The following PTPRD variants were observed in gnomAD, a reference collection of about 807,000 sequenced individuals.
PTPRD encodes protein tyrosine phosphatase receptor type D.
PTPRD carries 34 observed loss-of-function variants against 214.5 expected under a neutral mutation model. The observed-to-expected ratio is 0.16, with a 90% CI of 0.12 to 0.21. The LOEUF (loss-of-function observed/expected upper bound fraction) is 0.21. PTPRD is among the 10% of genes least tolerant of loss of function. The pLI is 1.00. For missense variants in PTPRD, 2,545 were observed against 2,398.7 expected (o/e 1.06, Z -1.27); for synonymous variants, 1,128 against 845.7 (o/e 1.33, Z -5.79).
Position 8,735,042 on chromosome 9 carries a change from CCTT to C in PTPRD, c.-103-1099_-103-1097del, listed in dbSNP as rs368286827. ...CAGCATGCACGGGGCCCCCTGGAAG[CCTT>C]CTTAGAACAGATGCGTGAGTACTAC... is the stretch of plus-strand genomic sequence containing the variant. On this transcript the variant is annotated intron_variant, in intron 11 of 45. Transcript: ENST00000381196. Among the ~76,000 whole-genome samples the C allele has an allele frequency of 2.8e-3, 433 of 152,068 alleles. 3 individuals carry two copies. The highest frequency in any genetic ancestry group is 9.9e-3 in the African/African-American group (410 of 41,496).
intron 12 of PTPRD, among the ~76,000 whole-genome samples, chr9:8,673,290 T>C (rs1372380560): frequency 6.6e-6 from 1 of 152,208 alleles, no homozygotes; most frequent in Non-Finnish European, 1.5e-5. Flanking sequence ...AAGCAAGTTA[T>C]GACCTCTTTC....
chr9:9,520,014 G>A (rs1004738379), intron 8 of PTPRD, among the ~76,000 whole-genome samples: 3 of 151,876 alleles, frequency 2.0e-5, no homozygotes, highest in African/African-American at 7.3e-5. Context: ...TATGTATGTA[G>A]ACTTTCTTTA....
At chr9:9,225,897 T>C (rs924621861) in intron 9 of PTPRD, among the ~76,000 whole-genome samples, 7 of 152,034 alleles carry the variant, frequency 4.6e-5, no homozygotes, top group Non-Finnish European at 8.8e-5. Context: ...ACTTGCCATG[T>C]TAAAGAGTAT....
chr9:10,518,773 C>G (rs2051059733), intron 2 of PTPRD, among the ~76,000 whole-genome samples: 1 of 151,898 alleles, frequency 6.6e-6, no homozygotes, highest in South Asian at 2.1e-4. Flanking sequence ...ACCTCGTGAT[C>G]TGCCCGCCTT....
Position 9,170,498 on chromosome 9 carries a change from G to A in PTPRD, c.-143+12806C>T, listed in dbSNP as rs532058782. 5.3e-5 allele frequency among the ~76,000 whole-genome samples: 8 copies of A among 152,212 alleles called. No individual in the cohort carries two copies. The South Asian group carries it at 6.2e-4, about 12-fold the overall frequency. Reference sequence around the variant, plus strand: ...TCAGTCAGTTGAGTCTAATAGCTGCGAGTGTTACTACCTTGGTCAGTTCCA... The same window carrying A: ...TCAGTCAGTTGAGTCTAATAGCTGCAAGTGTTACTACCTTGGTCAGTTCCA... On this transcript the variant is annotated intron_variant, in intron 10 of 45. Transcript: ENST00000381196.
At chr9:8,477,937 T>C (rs113716460) in intron 30 of PTPRD, among the ~76,000 whole-genome samples, 11 of 152,240 alleles carry the variant, frequency 7.2e-5, no homozygotes, top group African/African-American at 2.7e-4. Flanking sequence ...TATTGCCAGC[T>C]GGGGCAAGTC....
At chr9:9,485,227 T>G (rs371325924) in intron 8 of PTPRD, among the ~76,000 whole-genome samples, 13 of 152,178 alleles carry the variant, frequency 8.5e-5, no homozygotes, top group African/African-American at 3.1e-4. Flanking sequence ...AATTGAAGCA[T>G]AATCCACTAA....
intron 5 of PTPRD, among the ~76,000 whole-genome samples, chr9:9,914,025 G>A (rs531988159): frequency 1.3e-5 from 2 of 152,258 alleles, no homozygotes; most frequent in East Asian, 3.9e-4. Context: ...TGTGATTCTG[G>A]TCCTGTACAG....
chr9:9,651,830 T>TG (rs1227477338), intron 7 of PTPRD, among the ~76,000 whole-genome samples: 1 of 124,870 alleles, frequency 8.0e-6, no homozygotes, highest in Non-Finnish European at 1.7e-5. Flanking sequence ...AGGTTTGTTT[T>TG]TTTTTTTTTT....
chr9:8,958,977 G>T (rs940794124), intron 11 of PTPRD: 3 of 149,374 alleles, frequency 2.0e-5, no homozygotes, highest in African/African-American at 7.3e-5. Flanking sequence ...ATCACATTCA[G>T]CCCAATGTAC....
At chr9:8,892,615 A>G (rs1587518404) in intron 11 of PTPRD, among the ~76,000 whole-genome samples, 1 of 146,956 alleles carries the variant, frequency 6.8e-6, no homozygotes, top group Non-Finnish European at 1.5e-5. Flanking sequence ...GTGTGTATAT[A>G]TATGTGTATA....
At chr9:10,385,527 G>A (rs1211283234) in intron 2 of PTPRD, among the ~76,000 whole-genome samples, 1 of 151,680 alleles carries the variant, frequency 6.6e-6, no homozygotes, top group African/African-American at 2.4e-5. Context: ...AAGAATATAA[G>A]CTCCAAGTGT....
intron 11 of PTPRD, among the ~76,000 whole-genome samples, chr9:8,744,096 A>T (rs745490016): frequency 6.6e-6 from 1 of 152,200 alleles, no homozygotes; most frequent in African/African-American, 2.4e-5. Flanking sequence ...CCACAATGCA[A>T]TACCACCTCG....
rs5896339 is a variant in PTPRD at position 9,479,347 on chromosome 9, G to GCACA, written c.-236-81869_-236-81866dup. Reference sequence around the variant, plus strand: ...CCTTCGAGAAAATGTGAAAACTGATGCACACACACACACACACACACACAC... The same window carrying GCACA: ...CCTTCGAGAAAATGTGAAAACTGATGCACACACACACACACACACACACACACAC... On this transcript the variant is annotated intron_variant, in intron 8 of 45. Transcript: ENST00000381196. Among the ~76,000 whole-genome samples, 709 of 146,784 alleles carry GCACA rather than the reference G, an allele frequency of 4.8e-3. 5 individuals carry two copies. The highest frequency in any genetic ancestry group is 0.012 in the African/African-American group (496 of 40,060).
intron 11 of PTPRD, among the ~76,000 whole-genome samples, chr9:8,739,751 G>A (rs190111497): frequency 6.6e-6 from 1 of 152,150 alleles, no homozygotes; most frequent in Non-Finnish European, 1.5e-5. Flanking sequence ...ATCTCATCTT[G>A]AATTCTCATG....
chr9:9,381,998 T>C (rs2062446041), intron 9 of PTPRD, among the ~76,000 whole-genome samples: 1 of 152,128 alleles, frequency 6.6e-6, no homozygotes, highest in African/African-American at 2.4e-5. Context: ...CACCAAATTC[T>C]CCAATCCATG....
intron 12 of PTPRD, among the ~76,000 whole-genome samples, chr9:8,681,555 C>T (rs73425481): frequency 0.012 from 1,850 of 152,236 alleles, 17 homozygotes; most frequent in African/African-American, 0.016. Context: ...TACCTCCTCC[C>T]CATCTCCATA....
In PTPRD at chr9:8,389,371, A is replaced by G; in HGVS notation, c.4247T>C (p.Ile1416Thr). 3.1e-6 allele frequency: 5 copies of G among 1,611,298 alleles called. No homozygotes were observed. The highest frequency in any genetic ancestry group is 4.2e-6 in the Non-Finnish European group (5 of 1,178,710). Residue 1416 changes from isoleucine (I) to threonine (T), a missense_variant, in exon 37 of 46, where the codon ATA (isoleucine) becomes ACA (threonine). Transcript: ENST00000381196. Reference sequence around the variant, plus strand: ...GGCATTTTGCTTCCTATACCCATCTATGTAGTTGGCATTCACATAGTCACT... The same window carrying G: ...GGCATTTTGCTTCCTATACCCATCTGTGTAGTTGGCATTCACATAGTCACT... ...PGSDYVNANY[I>T]DGYRKQNAYI...
chr9:9,646,679 G>A (rs764722106), intron 7 of PTPRD, among the ~76,000 whole-genome samples: 9 of 152,090 alleles, frequency 5.9e-5, no homozygotes, highest in Middle Eastern at 3.4e-3. Context: ...TCCACAGGGC[G>A]TACATTCTAA....
Sources: gnomAD v4.1 joint callset for allele counts (sites outside exome capture counted in the v4.1 genomes callset) on GRCh38, gnomAD v4.1.1 for gene constraint, MANE v1.5 for transcripts, NCBI Gene and HGNC (gene_info 2026-07-23, HGNC 2026-07-21) for gene names.